ABCC8: variants seen among roughly 807,000 people sequenced by gnomAD.
ABCC8 encodes the protein ATP binding cassette subfamily C member 8.
A neutral mutation model predicts 188.0 loss-of-function variants in ABCC8; 137 were observed. The observed-to-expected ratio is 0.73, with a 90% CI of 0.63 to 0.84. The LOEUF is 0.84. ABCC8 is among the 40% of genes least tolerant of loss of function. The pLI is 0.00. For missense variants in ABCC8, 1,750 were observed against 2,072.7 expected (o/e 0.84, Z 3.02); for synonymous variants, 797 against 846.5 (o/e 0.94, Z 1.01).
intron 22 of ABCC8, 103 bp from the exon 23 acceptor site, chr11:17,408,620 C>A: frequency 6.6e-7 from 1 of 1,506,278 alleles, no homozygotes; most frequent in Non-Finnish European, 8.9e-7. Flanking sequence ...ACATCCCTTT[C>A]CTCACTACAA....
rs760453866 is a variant in ABCC8 at position 17,408,506 on chromosome 11, C to T, written c.2706G>A (p.Met902Ile). The change falls in exon 23 of 39, where the codon ATG (methionine) becomes ATA (isoleucine). Residue 902 changes from methionine to isoleucine, a missense_variant. Physicochemically the swap from Met to Ile is conservative, Grantham distance 10. Transcript: ENST00000389817. Reference sequence around the variant, plus strand: ...CCTCCCTCTGGATGGTGCCATCCTTCATGGCAATGATCTGGAAAGGCAGCA... The same window carrying T: ...CCTCCCTCTGGATGGTGCCATCCTTTATGGCAATGATCTGGAAAGGCAGCA... ...YLPHADWIIA[M>I]KDGTIQREGT... The T allele has an allele frequency of 1.1e-5, 17 of 1,611,384 alleles. No homozygotes were observed. The African/African-American group carries it at 2.3e-4, about 22-fold the overall frequency.
rs766830060 is a variant in ABCC8 at position 17,413,436 on chromosome 11, G to A, written c.2433C>T (p.Ile811=). ...VIEACSLQPD[I]DILPHGDQTQ... ...TCTGGTCTCCATGGGGCAGGATGTC[G>A]ATGTCTGGCTGCAGAGAGCAGGCTT... Residue 811 remains isoleucine, a synonymous_variant, in exon 20 of 39, where the codon ATC becomes ATT. Coordinates refer to ENST00000389817, the MANE Select transcript of ABCC8 (RefSeq NM_000352.6). The A allele has an allele frequency of 3.1e-6, 5 of 1,614,168 alleles. No individual in the cohort carries two copies. Among genetic ancestry groups the A allele is most frequent in the East Asian group, 2.2e-5 (1 of 44,880 alleles).
Position 17,416,830 on chromosome 11 carries a change from C to T in ABCC8, c.2255+100G>A, listed in dbSNP as rs950058622. On this transcript the variant is annotated intron_variant, in intron 17 of 38. Coordinates refer to ENST00000389817, the MANE Select transcript of ABCC8 (RefSeq NM_000352.6). ...CTGAAAATATGTAGGCTGCACATCC[C>T]TGAATCCATACTCAGCATTACCCAC... 7 of 1,527,524 alleles carry T rather than the reference C, an allele frequency of 4.6e-6. No homozygotes were observed. The South Asian group carries it at 8.0e-5, about 18-fold the overall frequency. The allele number at this position is 1,527,524 out of a possible 1,614,324, so 94.6% of individuals were successfully genotyped here.
At chr11:17,445,122 C>G (rs944725157) in intron 8 of ABCC8, among the ~76,000 whole-genome samples, 1 of 152,222 alleles carries the variant, frequency 6.6e-6, no homozygotes, top group African/African-American at 2.4e-5. Context: ...CTCTGGGCCT[C>G]TGATACCCAG....
chr11:17,395,996 G>A, intron 33 of ABCC8, 66 bp from the exon 34 acceptor site: 1 of 1,549,092 alleles, frequency 6.5e-7, no homozygotes, highest in Non-Finnish European at 8.7e-7. Context: ...CTCTATGCTA[G>A]CTCTGGGTGT....
At position 17,448,258 on chromosome 11, in the gene ABCC8, C is replaced by T. The variant is rs1956616745; in HGVS notation, c.1332+258G>A. 9 of 483,000 alleles carry T rather than the reference C, an allele frequency of 1.9e-5. No homozygotes were observed. The East Asian group carries it at 3.5e-4, about 19-fold the overall frequency. The allele number at this position is 483,000 out of a possible 1,614,324, so 29.9% of individuals were successfully genotyped here. A position where few individuals can be genotyped will look rare whatever the true frequency, so the allele number is the denominator to read the frequency against. The stretch of plus-strand genomic sequence containing the variant: ...AGCCCCTGAACCTGGCTTGATTTTT[C>T]TATAGTTTATAAAGTTGGCTCCATT... On this transcript the variant is annotated intron_variant, in intron 8 of 38. Transcript: ENST00000389817.
At chr11:17,476,439 G>A (rs1011194940) in intron 1 of ABCC8, among the ~76,000 whole-genome samples, 190 bp downstream of exon 1, 1 of 152,338 alleles carries the variant, frequency 6.6e-6, no homozygotes, top group South Asian at 2.1e-4. Context: ...GGGGGCACCG[G>A]GGGAGTGAAG....
At chr11:17,398,014 C>T (rs1340960485) in intron 30 of ABCC8, among the ~76,000 whole-genome samples, 3 of 152,176 alleles carry the variant, frequency 2.0e-5, no homozygotes, top group Admixed American at 6.5e-5. Context: ...CCCCCTAGCC[C>T]CTGCACACCC....
In ABCC8 at chr11:17,397,038, G is replaced by A; in HGVS notation, c.3997C>T (p.Leu1333=). The A allele has an allele frequency of 3.1e-6, 5 of 1,614,186 alleles. No individual in the cohort carries two copies. The highest frequency in any genetic ancestry group is 4.2e-6 in the Non-Finnish European group (5 of 1,180,010). ...ESYEGLLAPS[L]IPKNWPDQGK... is the part of the protein sequence containing the mutation. ...TGGTCTGGCCAGTTCTTTGGGATCA[G>A]CGATGGTGCTGGGGGCCGGGCTGGG... The change falls in exon 33 of 39, where the codon CTG becomes TTG. Residue 1333 remains leucine, a synonymous_variant. Coordinates refer to ENST00000389817, the MANE Select transcript of ABCC8 (RefSeq NM_000352.6).
At chr11:17,458,212 A>G (rs1179032516) in intron 6 of ABCC8, among the ~76,000 whole-genome samples, 1 of 152,186 alleles carries the variant, frequency 6.6e-6, no homozygotes, top group African/African-American at 2.4e-5. Context: ...CAGGGAAAAA[A>G]TATTAAATCT....
At chr11:17,452,384 A>T (rs1591860722) in intron 7 of ABCC8, among the ~76,000 whole-genome samples, 1 of 152,234 alleles carries the variant, frequency 6.6e-6, no homozygotes, top group African/African-American at 2.4e-5. Flanking sequence ...GGCACCAGGG[A>T]CTGGTTTCGT....
At chr11:17,462,258 C>T (rs904633911) in intron 4 of ABCC8, among the ~76,000 whole-genome samples, 2 of 152,170 alleles carry the variant, frequency 1.3e-5, no homozygotes, top group Non-Finnish European at 2.9e-5. Context: ...AATGTTTCCT[C>T]ATCTATAAAG....
intron 29 of ABCC8, among the ~76,000 whole-genome samples, chr11:17,399,291 A>C (rs1383535821): frequency 7.5e-5 from 11 of 147,094 alleles, no homozygotes; most frequent in Non-Finnish European, 1.6e-4. Flanking sequence ...AAAAAAAAAA[A>C]AAAAAAAAAA....
chr11:17,407,247 TA>T, intron 24 of ABCC8, 106 bp downstream of exon 24: 1 of 1,609,562 alleles, frequency 6.2e-7, no homozygotes, highest in Non-Finnish European at 8.5e-7. Context: ...GGAAGCCATT[TA>T]ATCAAAGGCA....
intron 17 of ABCC8, among the ~76,000 whole-genome samples, chr11:17,416,260 A>G (rs1955068647): frequency 6.6e-6 from 1 of 152,070 alleles, no homozygotes; most frequent in African/African-American, 2.4e-5. Context: ...AGGTAAGGGG[A>G]GGGAAGGTTT....
chr11:17,410,366 C>T (rs1371477403), intron 22 of ABCC8, 150 bp downstream of exon 22: 12 of 870,932 alleles, frequency 1.4e-5, no homozygotes, highest in South Asian at 3.2e-5. Context: ...CCCTGAAATG[C>T]CCAGCATGCA....
intron 8 of ABCC8, among the ~76,000 whole-genome samples, chr11:17,446,051 C>T (rs1222114441): frequency 3.9e-5 from 6 of 151,984 alleles, no homozygotes; most frequent in East Asian, 1.9e-4. Context: ...CCACAGTCTC[C>T]GCCTCCTGGG....
At chr11:17,402,637 C>T in intron 29 of ABCC8, 24 bp downstream of exon 29, 1 of 1,614,214 alleles carries the variant, frequency 6.2e-7, no homozygotes, top group Non-Finnish European at 8.5e-7. Flanking sequence ...TCCACTCCTA[C>T]CTTGGGGGAA....
chr11:17,422,425 T>G (rs937562362), intron 16 of ABCC8, among the ~76,000 whole-genome samples: 1 of 152,186 alleles, frequency 6.6e-6, no homozygotes, highest in Non-Finnish European at 1.5e-5. Context: ...AGGTAAGCAC[T>G]GTATCCATAG....
Sources: allele counts gnomAD v4.1 joint callset (sites outside exome capture counted in the v4.1 genomes callset), GRCh38; gene constraint gnomAD v4.1.1; transcripts MANE v1.5; gene names NCBI Gene and HGNC (gene_info 2026-07-23, HGNC 2026-07-21).